GABRB2: variants seen among roughly 807,000 people sequenced by gnomAD.
GABRB2 encodes gamma-aminobutyric acid type A receptor subunit beta2, also known as gamma-aminobutyric acid receptor subunit beta-2.
GABRB2 carries 16 observed loss-of-function variants against 54.7 expected under a neutral mutation model. The observed-to-expected ratio is 0.29, with a 90% CI of 0.20 to 0.44. The LOEUF is 0.44. GABRB2 is among the 20% of genes least tolerant of loss of function. The pLI, the probability that GABRB2 is intolerant of heterozygous loss-of-function variation, is 1.00. For synonymous variants in GABRB2, 244 were observed against 233.8 expected (o/e 1.04, Z -0.40); for missense variants, 355 against 644.0 (o/e 0.55, Z 4.86).
At position 161,355,988 on chromosome 5, in the gene GABRB2, C is replaced by A. The variant is rs145286982; in HGVS notation, c.542-19219G>T. Among the ~76,000 whole-genome samples the A allele has an allele frequency of 1.0e-3, 155 of 152,218 alleles. 1 individual carries two copies. The highest frequency in any genetic ancestry group is 3.5e-3 in the African/African-American group (147 of 41,554). ...CTTTAGTTCTCATTCCTTTTCTGCTCTCAACCTCAAGTTTCTCCAACATTA... is the reference window on the plus strand; with the variant it reads ...CTTTAGTTCTCATTCCTTTTCTGCTATCAACCTCAAGTTTCTCCAACATTA... On this transcript the variant is annotated intron_variant, in intron 5 of 9. Coordinates refer to ENST00000393959, the MANE Select transcript of GABRB2 (RefSeq NM_001371727.1).
intron 9 of GABRB2, among the ~76,000 whole-genome samples, chr5:161,313,122 T>C (rs910616917): frequency 2.0e-5 from 3 of 152,168 alleles, no homozygotes; most frequent in Admixed American, 2.0e-4. Flanking sequence ...TGTTATGTCC[T>C]GTGAAGTCAA....
intron 3 of GABRB2, among the ~76,000 whole-genome samples, chr5:161,491,571 C>T (rs1233716454): frequency 6.6e-6 from 1 of 151,546 alleles, no homozygotes; most frequent in Non-Finnish European, 1.5e-5. Context: ...TTTAAGGCCC[C>T]ATCAATACTG....
At chr5:161,474,901 G>A (rs1161576262) in intron 3 of GABRB2, among the ~76,000 whole-genome samples, 2 of 151,850 alleles carry the variant, frequency 1.3e-5, no homozygotes, top group East Asian at 3.9e-4. Flanking sequence ...TACTATAAAA[G>A]CAATCTCCTA....
At chr5:161,297,102 T>A (rs1757401352) in intron 9 of GABRB2, among the ~76,000 whole-genome samples, 1 of 151,726 alleles carries the variant, frequency 6.6e-6, no homozygotes, top group Non-Finnish European at 1.5e-5. Flanking sequence ...GTATGAGTGA[T>A]GAAATTTCTA....
chr5:161,474,996 G>T (rs1359078446), intron 3 of GABRB2, among the ~76,000 whole-genome samples: 1 of 151,898 alleles, frequency 6.6e-6, no homozygotes, highest in African/African-American at 2.4e-5. Context: ...CTTCTCATAT[G>T]CATTCAGAGA....
rs1236064276 is a variant in GABRB2 at position 161,463,555 on chromosome 5, T to TATATATAAATA, written c.238-3712_238-3711insTATTTATATAT. ...ACAAGGTGATTCCAAATATTTTTAT[T>TATATATAAATA]TATATATATATATATATATATATAT... is the stretch of plus-strand genomic sequence containing the variant. On this transcript the variant is annotated intron_variant, in intron 3 of 9. Coordinates refer to ENST00000393959, the MANE Select transcript of GABRB2 (RefSeq NM_001371727.1). 2.5e-4 allele frequency among the ~76,000 whole-genome samples: 6 copies of TATATATAAATA among 23,698 alleles called. 1 individual carries two copies. The highest frequency in any genetic ancestry group is 5.7e-3 in the East Asian group (2 of 350). 15.5% of individuals were successfully genotyped at this position (23,698 alleles called of 152,430 possible). A position where few individuals can be genotyped will look rare whatever the true frequency, so the allele number is the denominator to read the frequency against.
intron 5 of GABRB2, among the ~76,000 whole-genome samples, chr5:161,378,112 A>G (rs1003652783): frequency 6.6e-6 from 1 of 152,042 alleles, no homozygotes; most frequent in Non-Finnish European, 1.5e-5. Flanking sequence ...AACTCTGGGA[A>G]CTCTGAAACT....
At chr5:161,362,689 A>G (rs1361620539) in intron 5 of GABRB2, among the ~76,000 whole-genome samples, 2 of 152,194 alleles carry the variant, frequency 1.3e-5, no homozygotes, top group Admixed American at 1.3e-4. Context: ...ACAAGGGAAA[A>G]AACAACCCCA....
chr5:161,463,570 T>G (rs953567165), intron 3 of GABRB2, among the ~76,000 whole-genome samples: 15 of 101,478 alleles, frequency 1.5e-4, no homozygotes, highest in Non-Finnish European at 2.0e-4. Flanking sequence ...TATATATATA[T>G]ATATATATAT....
intron 3 of GABRB2, among the ~76,000 whole-genome samples, chr5:161,517,527 T>C (rs992385853): frequency 6.6e-6 from 1 of 152,208 alleles, no homozygotes; most frequent in Non-Finnish European, 1.5e-5. Context: ...TCTTTTTTAA[T>C]GTATGTGCAT....
rs957110947 is a variant in GABRB2, at chr5:161,507,520, G to A, written c.237+37707C>T. ...AAAAGGCTGTTATGAAAGTGAGTAG[G>A]CATGTCAAAGGCAAGGAGAAAATTT... is the stretch of plus-strand genomic sequence containing the variant. On this transcript the variant is annotated intron_variant, in intron 3 of 9. Coordinates refer to ENST00000393959, the MANE Select transcript of GABRB2 (RefSeq NM_001371727.1). 5.9e-5 allele frequency among the ~76,000 whole-genome samples: 9 copies of A among 152,084 alleles called. No homozygotes were observed. The East Asian group carries it at 9.7e-4, about 16-fold the overall frequency.
At position 161,459,971 on chromosome 5, in the gene GABRB2, G is replaced by A; in HGVS notation, c.238-127C>T. On this transcript the variant is annotated intron_variant, in intron 3 of 9. Transcript: ENST00000393959. ...TTTATTTTTATTTTTTTGAGACAGG[G>A]TCTCACTCTGTCACCCAGGCTGGAG... 8.6e-6 allele frequency: 5 copies of A among 579,882 alleles called. No homozygotes were observed. The South Asian group carries it at 1.1e-4, about 12-fold the overall frequency. The allele number at this position is 579,882 out of a possible 1,614,324, so 35.9% of individuals were successfully genotyped here. A position where few individuals can be genotyped will look rare whatever the true frequency, so the allele number is the denominator to read the frequency against.
chr5:161,509,049 A>G (rs1759687469), intron 3 of GABRB2, among the ~76,000 whole-genome samples: 1 of 151,958 alleles, frequency 6.6e-6, no homozygotes, highest in African/African-American at 2.4e-5. Flanking sequence ...AGCTATATAA[A>G]GAAATGAGGC....
intron 9 of GABRB2, among the ~76,000 whole-genome samples, chr5:161,325,770 A>G (rs940688472): frequency 1.3e-5 from 2 of 152,168 alleles, no homozygotes; most frequent in African/African-American, 4.8e-5. Context: ...AGTCAAAAAT[A>G]GGCTTTCTTT....
chr5:161,342,678 G>C (rs1026784177), intron 5 of GABRB2, among the ~76,000 whole-genome samples: 1 of 151,948 alleles, frequency 6.6e-6, no homozygotes, highest in Non-Finnish European at 1.5e-5. Context: ...ACACATTTTA[G>C]GGAAGCCATA....
chr5:161,451,400 G>A (rs928480438), intron 4 of GABRB2, among the ~76,000 whole-genome samples: 1 of 152,124 alleles, frequency 6.6e-6, no homozygotes, highest in African/African-American at 2.4e-5. Context: ...CTACAACTGA[G>A]AACATAAGAA....
intron 5 of GABRB2, among the ~76,000 whole-genome samples, chr5:161,396,918 A>C (rs750215346): frequency 1.4e-4 from 21 of 152,196 alleles, no homozygotes; most frequent in Non-Finnish European, 2.8e-4. Flanking sequence ...TCTGTAAAAC[A>C]GGAATGACAT....
At chr5:161,477,468 A>C (rs887021434) in intron 3 of GABRB2, among the ~76,000 whole-genome samples, 5 of 151,870 alleles carry the variant, frequency 3.3e-5, no homozygotes, top group Non-Finnish European at 7.4e-5. Context: ...TATATATCCA[A>C]AATAATTGAA....
intron 3 of GABRB2, among the ~76,000 whole-genome samples, chr5:161,507,860 T>C (rs1457220150): frequency 6.6e-6 from 1 of 151,912 alleles, no homozygotes; most frequent in East Asian, 1.9e-4. Context: ...CCAACTGTTG[T>C]CAAGGATGTA....
Sources: allele counts gnomAD v4.1 joint callset (sites outside exome capture counted in the v4.1 genomes callset), GRCh38; gene constraint gnomAD v4.1.1; transcripts MANE v1.5; gene names NCBI Gene and HGNC (gene_info 2026-07-23, HGNC 2026-07-21).